TSPAN4: variants seen among roughly 807,000 people sequenced by gnomAD.
The protein encoded by TSPAN4 is tetraspanin 4.
In TSPAN4, 38 loss-of-function variants were observed where a neutral mutation model predicts 31.5. The observed-to-expected ratio is 1.21, with a 90% confidence interval of 0.93 to 1.58. The LOEUF (loss-of-function observed/expected upper bound fraction) is 1.58, where lower values mean the gene tolerates loss of function less well. Ranked by LOEUF, TSPAN4 falls within the 40% of genes most tolerant of loss-of-function variation. The pLI is 0.00. For missense variants in TSPAN4, 330 were observed against 317.3 expected (o/e 1.04, Z -0.30); for synonymous variants, 186 against 144.6 (o/e 1.29, Z -2.06).
At chr11:850,076 T>C (rs866151896) in intron 2 of TSPAN4, 1 of 399,504 alleles carries the variant, frequency 2.5e-6, no homozygotes, top group East Asian at 4.3e-5. Flanking sequence ...GCAGCCCCTC[T>C]CCGGAGGGCA....
rs748450195 is a variant in TSPAN4, at chr11:866,590, T to C, written c.677T>C (p.Met226Thr). ...CTGGGCCTGACCTTCGCCATGACCA[T>C]GTACTGCCAAGTGGTCAAGGCAGAC... The part of the protein sequence containing the change: ...QILGLTFAMT[M>T]YCQVVKADTY... The change falls in exon 9 of 9, where the codon ATG becomes ACG. Residue 226 changes from methionine to threonine, a missense_variant. By Grantham distance (81) the Met-to-Thr change is moderately conservative (BLOSUM62 -1). Coordinates refer to ENST00000397397, the MANE Select transcript of TSPAN4 (RefSeq NM_003271.5). 14 of 1,613,410 alleles carry C rather than the reference T, an allele frequency of 8.7e-6. No individual in the cohort carries two copies. The highest frequency in any genetic ancestry group is 4.4e-5 in the South Asian group (4 of 91,078).
chr11:864,319 C>T, intron 4 of TSPAN4, 118 bp from the exon 5 acceptor site: 12 of 1,298,414 alleles, frequency 9.2e-6, no homozygotes, highest in Non-Finnish European at 1.3e-5. Flanking sequence ...GGGGGCCTGG[C>T]AGAGGTTTCC....
At chr11:866,132 C>A (rs533989616) in intron 8 of TSPAN4, 131 bp downstream of exon 8, 2 of 971,852 alleles carry the variant, frequency 2.1e-6, no homozygotes, top group South Asian at 3.0e-5. Flanking sequence ...AGCAGGAGGG[C>A]GAGTTCAGGG....
At chr11:843,465 G>A in intron 1 of TSPAN4, 1 of 152,224 alleles carries the variant, frequency 6.6e-6, no homozygotes, top group Non-Finnish European at 1.5e-5. Flanking sequence ...GGTGCTTTTT[G>A]AGCTGAACCT....
At chr11:847,959 T>G (rs1465765576) in intron 2 of TSPAN4, among the ~76,000 whole-genome samples, 3 of 152,004 alleles carry the variant, frequency 2.0e-5, no homozygotes, top group Non-Finnish European at 4.4e-5. Context: ...TCGGGTGGTG[T>G]TTTTGACTGC....
chr11:856,465 C>T (rs983793330), intron 3 of TSPAN4, among the ~76,000 whole-genome samples: 5 of 152,222 alleles, frequency 3.3e-5, no homozygotes, highest in Admixed American at 3.3e-4. Flanking sequence ...CTCTCCTGGG[C>T]TGTTCCCCCA....
At chr11:861,226 C>G (rs965412661) in intron 3 of TSPAN4, among the ~76,000 whole-genome samples, 1 of 152,216 alleles carries the variant, frequency 6.6e-6, no homozygotes, top group Non-Finnish European at 1.5e-5. Flanking sequence ...AGAGCTCTGG[C>G]GGTTACAGAC....
At chr11:850,608 T>C (rs369110307) in intron 3 of TSPAN4, among the ~76,000 whole-genome samples, 154 of 150,704 alleles carry the variant, frequency 1.0e-3, no homozygotes, top group African/African-American at 3.6e-3. Flanking sequence ...CACGCCCTGG[T>C]CCCCTCTCCT....
intron 5 of TSPAN4, chr11:865,231 A>T: frequency 2.2e-6 from 1 of 456,336 alleles, no homozygotes; most frequent in Non-Finnish European, 4.0e-6. Flanking sequence ...GCATGGCTGC[A>T]CGTGTCCCGA....
chr11:845,677 G>C (rs1453298808), intron 1 of TSPAN4, among the ~76,000 whole-genome samples: 2 of 151,996 alleles, frequency 1.3e-5, no homozygotes, highest in East Asian at 3.9e-4. Context: ...AGGGTCCTAA[G>C]TCTGTTGCCT....
At chr11:862,766 C>T (rs1275630096) in intron 4 of TSPAN4, 25 bp downstream of exon 4, 2 of 1,593,042 alleles carry the variant, frequency 1.3e-6, no homozygotes, top group African/African-American at 1.3e-5. Flanking sequence ...CCAAGCGATG[C>T]TCCGGGTGGG....
At chr11:854,778 C>G (rs1217353622) in intron 3 of TSPAN4, among the ~76,000 whole-genome samples, 1 of 152,218 alleles carries the variant, frequency 6.6e-6, no homozygotes, top group African/African-American at 2.4e-5. Flanking sequence ...CTGGGATGAG[C>G]TGAGACGATG....
chr11:864,410 C>G (rs776511802), intron 4 of TSPAN4, 27 bp from the exon 5 acceptor site: 1 of 1,610,382 alleles, frequency 6.2e-7, no homozygotes, highest in Non-Finnish European at 8.5e-7. Context: ...CCTTTCGGGT[C>G]CCTGTCTGAG....
In TSPAN4 at chr11:866,801, G is replaced by A. The variant is rs1848879164; in HGVS notation, c.*171G>A. ...CTGTTTCTGGAAGGCCCTAGCTCAG[G>A]TGGCTTCAGGGCCTCCGGACCCCCC... On this transcript the variant is annotated 3_prime_UTR_variant, in exon 9 of 9. Transcript: ENST00000397397. 2.9e-6 allele frequency: 2 copies of A among 684,048 alleles called. No homozygotes were observed. Among genetic ancestry groups the A allele is most frequent in the African/African-American group, 3.7e-5 (2 of 54,486 alleles). 42.4% of individuals were successfully genotyped at this position (684,048 alleles called of 1,614,324 possible).
At position 848,265 on chromosome 11, in the gene TSPAN4, C is replaced by G. The variant is rs1368248665; in HGVS notation, c.-18+965C>G. Among the ~76,000 whole-genome samples the G allele has an allele frequency of 1.3e-5, 2 of 152,290 alleles. No individual in the cohort carries two copies. The highest frequency in any genetic ancestry group is 3.9e-4 in the East Asian group (2 of 5,180). On this transcript the variant is annotated intron_variant, in intron 2 of 8. Coordinates refer to ENST00000397397, the MANE Select transcript of TSPAN4 (RefSeq NM_003271.5). This position sits in a 1 kb window ranked among gnomAD's most constrained non-coding sequence, Gnocchi z 5.7. ...CCCCGATGCGTGGCCGCCGTTCTGA[C>G]CCATTCCTGGGGCCCAGACCCACCA... is the stretch of plus-strand genomic sequence containing the variant.
chr11:862,950 G>A, intron 4 of TSPAN4: 1 of 585,180 alleles, frequency 1.7e-6, no homozygotes, highest in Admixed American at 3.2e-5. Flanking sequence ...GCAGAGCGGT[G>A]TGGGGGTCAC....
Position 866,752 on chromosome 11 carries a change from C to A in TSPAN4, c.*122C>A. The A allele has an allele frequency of 1.9e-6, 2 of 1,035,872 alleles. No individual in the cohort carries two copies. Among genetic ancestry groups the A allele is most frequent in the Non-Finnish European group, 2.7e-6 (2 of 736,662 alleles). 64.2% of individuals were successfully genotyped at this position (1,035,872 alleles called of 1,614,324 possible). ...CATGCTGGGAGGAGGGAGGGAGGGA[C>A]AGGTGCCTGGAGCCCCCGGAACCCT... On this transcript the variant is annotated 3_prime_UTR_variant, in exon 9 of 9. Transcript: ENST00000397397.
rs910827992 is a variant in TSPAN4 at position 848,815 on chromosome 11, C to T, written c.-17-1473C>T. Reference sequence around the variant, plus strand: ...TGTGGTGGGGCTGGGGCTTCAGAGGCGTGGGGTAGGCTGCAGGGCACAGCT... The same window carrying T: ...TGTGGTGGGGCTGGGGCTTCAGAGGTGTGGGGTAGGCTGCAGGGCACAGCT... On this transcript the variant is annotated intron_variant, in intron 2 of 8. Coordinates refer to ENST00000397397, the MANE Select transcript of TSPAN4 (RefSeq NM_003271.5). This position sits in a 1 kb window ranked among gnomAD's most constrained non-coding sequence, Gnocchi z 5.7. 6 of 625,454 alleles carry T rather than the reference C, an allele frequency of 9.6e-6. No individual in the cohort carries two copies. Among genetic ancestry groups the T allele is most frequent in the African/African-American group, 7.4e-5 (4 of 54,294 alleles). The allele number at this position is 625,454 out of a possible 1,614,324, so 38.7% of individuals were successfully genotyped here.
intron 3 of TSPAN4, chr11:857,174 G>T (rs1848096893): frequency 6.6e-6 from 1 of 152,240 alleles, no homozygotes; most frequent in African/African-American, 2.4e-5. Context: ...GGCTGGGGCA[G>T]TTGTGGGAGG....
Sources: gnomAD v4.1 joint callset for allele counts (sites outside exome capture counted in the v4.1 genomes callset) on GRCh38, gnomAD v4.1.1 for gene constraint, Gnocchi (gnomAD v3.1) non-coding constraint, MANE v1.5 for transcripts, NCBI Gene and HGNC (gene_info 2026-07-23, HGNC 2026-07-21) for gene names.